The following SPAG17 variants were observed in gnomAD, a reference collection of about 807,000 sequenced individuals.
SPAG17 encodes the protein sperm-associated antigen 17.
In SPAG17, 169 loss-of-function variants were observed where a neutral mutation model predicts 273.6. The observed-to-expected ratio is 0.62, with a 90% CI of 0.55 to 0.70. SPAG17 has a LOEUF of 0.70. Ranked by LOEUF, SPAG17 falls within the 30% of genes least tolerant of loss-of-function variation. SPAG17 has a pLI of 0.00. For synonymous variants in SPAG17, 825 were observed against 873.2 expected, an observed-to-expected ratio of 0.94 and a Z score of 0.97; for missense variants, 2,557 against 2,627.8, an observed-to-expected ratio of 0.97 and a Z score of 0.59.
intron 28 of SPAG17, among the ~76,000 whole-genome samples, chr1:118,019,671 G>C (rs921842375): frequency 3.3e-5 from 5 of 152,084 alleles, no homozygotes; most frequent in Non-Finnish European, 5.9e-5. Flanking sequence ...TCCATACCTA[G>C]TCAAATTTAT....
At chr1:118,086,144 CTAA>C in intron 12 of SPAG17, 72 bp from the exon 13 acceptor site, 5 of 1,367,610 alleles carry the variant, frequency 3.7e-6, no homozygotes, top group Non-Finnish European at 4.1e-6. Context: ...ATGGAGAAGG[CTAA>C]ACATGATACC....
intron 7 of SPAG17, among the ~76,000 whole-genome samples, chr1:118,095,068 C>T (rs1011715629): frequency 2.0e-5 from 3 of 152,166 alleles, no homozygotes; most frequent in African/African-American, 7.2e-5. Context: ...CATAACTAGA[C>T]TGGTAATATT....
chr1:118,010,488 T>C (rs751769135), intron 30 of SPAG17, among the ~76,000 whole-genome samples: 7 of 152,126 alleles, frequency 4.6e-5, no homozygotes, highest in Non-Finnish European at 1.0e-4. Flanking sequence ...CAATAAATGG[T>C]ACTGAGATAA....
chr1:118,162,656 G>A (rs1361020612), intron 1 of SPAG17, among the ~76,000 whole-genome samples: 2 of 152,036 alleles, frequency 1.3e-5, no homozygotes, highest in African/African-American at 4.8e-5. Context: ...TATTTACTAC[G>A]TGGGTACCTA....
chr1:118,079,738 A>C (rs193172324), intron 15 of SPAG17, among the ~76,000 whole-genome samples: 1 of 152,202 alleles, frequency 6.6e-6, no homozygotes, highest in Admixed American at 6.5e-5. Context: ...TATTTATTTA[A>C]AGCTATAAAC....
At chr1:117,993,141 G>C (rs1204697639) in intron 35 of SPAG17, among the ~76,000 whole-genome samples, 1 of 152,088 alleles carries the variant, frequency 6.6e-6, no homozygotes, top group Non-Finnish European at 1.5e-5. Context: ...AGGATCCCTG[G>C]GGCAGAAAAA....
At position 117,992,323 on chromosome 1, in the gene SPAG17, C is replaced by T. The variant is rs559487110; in HGVS notation, c.5361+143G>A. The T allele has an allele frequency of 3.0e-5, 21 of 710,854 alleles. No individual in the cohort carries two copies. The African/African-American group carries it at 3.5e-4, about 12-fold the overall frequency. The allele number at this position is 710,854 out of a possible 1,614,324, so 44.0% of individuals were successfully genotyped here. ...CATTAAATATTTTCTACCTCTCAAC[C>T]CTCTACTCTGAAAGACTGACATCCT... On this transcript the variant is annotated intron_variant, in intron 36 of 48. Transcript: ENST00000336338.
At chr1:118,003,222 TG>T (rs1658504855) in intron 32 of SPAG17, among the ~76,000 whole-genome samples, 2 of 152,198 alleles carry the variant, frequency 1.3e-5, no homozygotes, top group Non-Finnish European at 2.9e-5. Context: ...CTTCCCTTTG[TG>T]GTAACTCGAC....
rs183174457 is a variant in SPAG17, at chr1:118,109,626, A to G, written c.447+5684T>C. On this transcript the variant is annotated intron_variant, in intron 4 of 48. Transcript: ENST00000336338. ...TTCATGTATAACAATGTTTCATATA[A>G]AATTTATAATAAGATCCTCAGAATA... Among the ~76,000 whole-genome samples, 703 of 151,550 alleles carry G rather than the reference A, an allele frequency of 4.6e-3. 6 individuals are homozygous for G. Among genetic ancestry groups the G allele is most frequent in the African/African-American group, 0.016 (675 of 41,412 alleles).
At chr1:117,954,669 G>T (rs2295631) in intron 48 of SPAG17, 34,958 of 1,585,724 alleles carry the variant, frequency 0.022, 1,362 homozygotes, top group South Asian at 0.11. Flanking sequence ...TTATTAAAAG[G>T]TTACTTACAA....
At chr1:118,045,907 G>A (rs1281754517) in intron 20 of SPAG17, among the ~76,000 whole-genome samples, 3 of 152,152 alleles carry the variant, frequency 2.0e-5, no homozygotes, top group Non-Finnish European at 4.4e-5. Context: ...GAAGTATTGT[G>A]AGTAAAACAG....
At chr1:117,989,901 C>T (rs1046463048) in intron 38 of SPAG17, among the ~76,000 whole-genome samples, 4 of 151,950 alleles carry the variant, frequency 2.6e-5, no homozygotes, top group Admixed American at 2.6e-4. Context: ...TTTCAACATG[C>T]GATTTAAAGG....
intron 17 of SPAG17, among the ~76,000 whole-genome samples, chr1:118,068,527 C>CT (rs1326294798): frequency 2.6e-5 from 4 of 151,992 alleles, no homozygotes; most frequent in African/African-American, 9.7e-5. Context: ...TTTGGGGGTG[C>CT]TAAAAATACA....
chr1:117,995,712 AC>A (rs1302834711), intron 34 of SPAG17, among the ~76,000 whole-genome samples: 1 of 150,772 alleles, frequency 6.6e-6, no homozygotes, highest in African/African-American at 2.4e-5. Context: ...ACACACACAC[AC>A]ACACACACAC....
At chr1:118,179,882 C>A (rs1489000652) in intron 1 of SPAG17, among the ~76,000 whole-genome samples, 1 of 151,988 alleles carries the variant, frequency 6.6e-6, no homozygotes, top group Non-Finnish European at 1.5e-5. Flanking sequence ...CAAATCAAAA[C>A]TACAATGAGA....
At chr1:118,150,309 A>T in intron 3 of SPAG17, 1 of 325,920 alleles carries the variant, frequency 3.1e-6, no homozygotes, top group East Asian at 6.1e-5. Context: ...AATTAGATGC[A>T]ATGATGGTAT....
intron 42 of SPAG17, among the ~76,000 whole-genome samples, chr1:117,981,985 A>G (rs528005364): frequency 6.6e-6 from 1 of 152,228 alleles, no homozygotes; most frequent in Admixed American, 6.5e-5. Flanking sequence ...CCGCAGTCTC[A>G]CTCCATTTCA....
rs746730376 is a variant in SPAG17 at position 118,012,282 on chromosome 1, TTG to T, written c.4376_4377del (p.Thr1459AsnfsTer7). 4.3e-6 allele frequency: 7 copies of T among 1,613,682 alleles called. No individual in the cohort carries two copies. Among genetic ancestry groups the T allele is most frequent in the Non-Finnish European group, 5.9e-6 (7 of 1,179,754 alleles). ...TGATCTTCATAAACTTGATAAAAGG[TTG>T]TGATTCTGGTACCATCAGCATGATC... ...IVDHADGTRI[T>X]TFYQVYEDQI... On this transcript the variant is annotated frameshift_variant, in exon 30 of 49. Transcript: ENST00000336338. LOFTEE classifies it high-confidence loss of function.
intron 48 of SPAG17, chr1:117,959,018 A>G (rs1234576929): frequency 6.8e-6 from 11 of 1,611,768 alleles, no homozygotes; most frequent in Non-Finnish European, 8.5e-6. Flanking sequence ...GTGTCTTTGT[A>G]TAGAGATAAA....
Sources: allele counts gnomAD v4.1 joint callset (sites outside exome capture counted in the v4.1 genomes callset), GRCh38; gene constraint gnomAD v4.1.1; transcripts MANE v1.5; gene names NCBI Gene and HGNC (gene_info 2026-07-23, HGNC 2026-07-21).